Variants in ATE1 observed in about 807,000 individuals in gnomAD.
ATE1 encodes the protein arginyltransferase 1, also known as arginyl-tRNA--protein transferase 1.
ATE1 carries 36 observed loss-of-function variants against 70.5 expected under a neutral mutation model. The observed-to-expected ratio is 0.51, with a 90% CI of 0.39 to 0.67. The LOEUF is 0.67. Among genes scored for constraint, ATE1 ranks in the 30% least tolerant of loss-of-function variants. The probability of loss-of-function intolerance (pLI) is 0.00; values close to 1 mark genes in which losing one functional copy is unlikely to be tolerated. For synonymous variants in ATE1, 232 were observed against 219.3 expected (o/e 1.06, Z -0.51); for missense variants, 593 against 629.5 (o/e 0.94, Z 0.62).
At chr10:121,823,157 G>C (rs1371094930) in intron 10 of ATE1, among the ~76,000 whole-genome samples, 1 of 152,088 alleles carries the variant, frequency 6.6e-6, no homozygotes, top group African/African-American at 2.4e-5. Context: ...AGGCACGGTG[G>C]CGGGCGCCTT....
At chr10:121,794,610 CAAAAAAAAAAAAA>C (rs71022866) in intron 10 of ATE1, among the ~76,000 whole-genome samples, 5 of 77,522 alleles carry the variant, frequency 6.4e-5, no homozygotes, top group Admixed American at 1.8e-4. Flanking sequence ...ACCCTGTCTC[CAAAAAAAAAAAAA>C]AAAAAAAAAA....
chr10:121,917,020 C>T (rs1951688633), intron 3 of ATE1, among the ~76,000 whole-genome samples: 1 of 151,980 alleles, frequency 6.6e-6, no homozygotes, highest in South Asian at 2.1e-4. Context: ...AAAACTTAGC[C>T]AGGCATAGTG....
At chr10:121,832,609 T>A (rs904472901) in intron 10 of ATE1, among the ~76,000 whole-genome samples, 1 of 152,220 alleles carries the variant, frequency 6.6e-6, no homozygotes, top group Non-Finnish European at 1.5e-5. Flanking sequence ...CGCTTTTGCA[T>A]CTTCCTCATT....
intron 7 of ATE1, among the ~76,000 whole-genome samples, chr10:121,876,177 G>A (rs1470803867): frequency 6.6e-6 from 1 of 152,100 alleles, no homozygotes; most frequent in Non-Finnish European, 1.5e-5. Context: ...TCAAAGCAAT[G>A]CCACAGATGT....
At chr10:121,848,334 C>T (rs1350836823) in intron 8 of ATE1, among the ~76,000 whole-genome samples, 1 of 150,726 alleles carries the variant, frequency 6.6e-6, no homozygotes, top group Non-Finnish European at 1.5e-5. Flanking sequence ...ACTTATTTAT[C>T]GGCTGGGTGT....
At chr10:121,805,328 T>C (rs999732299) in intron 10 of ATE1, among the ~76,000 whole-genome samples, 2 of 152,222 alleles carry the variant, frequency 1.3e-5, no homozygotes, top group Middle Eastern at 3.2e-3. Context: ...TAATATATAA[T>C]TAAGTCAATT....
chr10:121,864,537 G>A (rs1034847293), intron 8 of ATE1, among the ~76,000 whole-genome samples: 6 of 152,192 alleles, frequency 3.9e-5, no homozygotes, highest in Admixed American at 1.3e-4. Context: ...ACGTGCAGAC[G>A]TTCAGAAACA....
At chr10:121,916,891 T>A (rs1289249133) in intron 3 of ATE1, among the ~76,000 whole-genome samples, 1 of 150,474 alleles carries the variant, frequency 6.6e-6, no homozygotes, top group Non-Finnish European at 1.5e-5. Flanking sequence ...AGGCCACATA[T>A]GGTGGCTCAT....
At chr10:121,776,987 T>C (rs529477290) in intron 11 of ATE1, among the ~76,000 whole-genome samples, 1 of 152,372 alleles carries the variant, frequency 6.6e-6, no homozygotes, top group South Asian at 2.1e-4. Context: ...TCTGGAATCA[T>C]ACATCATACA....
At chr10:121,851,374 C>A (rs1171077205) in intron 8 of ATE1, among the ~76,000 whole-genome samples, 1 of 152,174 alleles carries the variant, frequency 6.6e-6, no homozygotes, top group Non-Finnish European at 1.5e-5. Flanking sequence ...GAAGCGAGAT[C>A]GTGCCACTGC....
chr10:121,898,822 AAAC>A, intron 7 of ATE1: 1 of 1,612,316 alleles, frequency 6.2e-7, no homozygotes, highest in Admixed American at 1.7e-5. Context: ...TCAACACAGA[AAAC>A]AACAGTTAAC....
rs1944198419 is a variant in ATE1, at chr10:121,743,036, G to GA, written c.*643dup. On this transcript the variant is annotated 3_prime_UTR_variant, in exon 12 of 12. Transcript: ENST00000224652. Reference sequence around the variant, plus strand: ...TAAAAGGGAGTACTATATTCTAGGGGAAAAAACTATGCCAAGACAACAGAC... The same window carrying GA: ...TAAAAGGGAGTACTATATTCTAGGGGAAAAAAACTATGCCAAGACAACAGAC... 6.6e-6 allele frequency: 1 copy of GA among 152,094 alleles called. No individual in the cohort carries two copies. The highest frequency in any genetic ancestry group is 2.4e-5 in the African/African-American group (1 of 41,392). 9.4% of individuals were successfully genotyped at this position (152,094 alleles called of 1,614,324 possible).
chr10:121,792,003 C>T (rs1946472876), intron 10 of ATE1, among the ~76,000 whole-genome samples: 2 of 152,140 alleles, frequency 1.3e-5, no homozygotes, highest in African/African-American at 4.8e-5. Flanking sequence ...CCTATTAGCT[C>T]GCAAAGCATT....
intron 11 of ATE1, among the ~76,000 whole-genome samples, chr10:121,780,555 C>T (rs556980700): frequency 2.0e-5 from 3 of 152,340 alleles, no homozygotes; most frequent in African/African-American, 7.2e-5. Context: ...TGCCAAAGCG[C>T]ACTAGTGCTT....
chr10:121,794,639 A>C (rs1946584913), intron 10 of ATE1, among the ~76,000 whole-genome samples: 1 of 142,432 alleles, frequency 7.0e-6, no homozygotes, highest in Non-Finnish European at 1.5e-5. Flanking sequence ...AAAAAGGAGA[A>C]GAGAATACCA....
At chr10:121,925,114 T>C (rs1022586503) in intron 1 of ATE1, among the ~76,000 whole-genome samples, 1 of 152,196 alleles carries the variant, frequency 6.6e-6, no homozygotes, top group Non-Finnish European at 1.5e-5. Flanking sequence ...ATATTCCTTC[T>C]AAGTGTAAGA....
intron 7 of ATE1, among the ~76,000 whole-genome samples, chr10:121,883,568 G>A (rs1241106340): frequency 6.6e-6 from 1 of 152,186 alleles, no homozygotes. Context: ...AAATATGAGA[G>A]CCATTATCAA....
intron 10 of ATE1, among the ~76,000 whole-genome samples, chr10:121,799,714 T>C (rs1480300081): frequency 6.6e-6 from 1 of 152,204 alleles, no homozygotes; most frequent in East Asian, 1.9e-4. Context: ...TTCCATAAAT[T>C]CAAATTTATT....
At chr10:121,886,051 T>C (rs1457513455) in intron 7 of ATE1, among the ~76,000 whole-genome samples, 3 of 152,142 alleles carry the variant, frequency 2.0e-5, no homozygotes, top group African/African-American at 7.2e-5. Flanking sequence ...AAAGCTCCAA[T>C]GGGCATTTCC....
Sources: allele counts gnomAD v4.1 joint callset (sites outside exome capture counted in the v4.1 genomes callset), GRCh38; gene constraint gnomAD v4.1.1; transcripts MANE v1.5; gene names NCBI Gene and HGNC (gene_info 2026-07-23, HGNC 2026-07-21).